The following ALS2CL variants were observed in gnomAD, a reference collection of about 807,000 sequenced individuals.
ALS2CL encodes ALS2 C-terminal like, also known as ALS2 C-terminal-like protein.
A neutral mutation model predicts 127.9 loss-of-function variants in ALS2CL; 112 were observed. The observed-to-expected ratio is 0.88, with a 90% CI of 0.75 to 1.02. ALS2CL has a LOEUF of 1.02. Ranked by LOEUF, ALS2CL falls within the 50% of genes least tolerant of loss-of-function variation. The pLI is 0.00. For synonymous variants in ALS2CL, 519 were observed against 527.6 expected (o/e 0.98, Z 0.22); for missense variants, 1,174 against 1,236.7 (o/e 0.95, Z 0.76).
intron 21 of ALS2CL, among the ~76,000 whole-genome samples, chr3:46,673,888 G>A (rs1698601559): frequency 6.6e-6 from 1 of 152,202 alleles, no homozygotes; most frequent in Non-Finnish European, 1.5e-5. Context: ...CCATCCCTGT[G>A]TAACAAAGGA....
rs1699475188 is a variant in ALS2CL, at chr3:46,683,050, CA to C, written c.1109+79del. 8 of 1,385,064 alleles carry C rather than the reference CA, an allele frequency of 5.8e-6. No homozygotes were observed. In the South Asian group the frequency reaches 1.2e-4, roughly 20 times the overall value. The allele number at this position is 1,385,064 out of a possible 1,614,324, so 85.8% of individuals were successfully genotyped here. A position where few individuals can be genotyped will look rare whatever the true frequency, so the allele number is the denominator to read the frequency against. ...ACCGCTCCTGGAACATGTCCTGAGA[CA>C]ATTAGGCTTGTGTGCTGCTCTCTGC... On this transcript the variant is annotated intron_variant, in intron 10 of 25. Coordinates refer to ENST00000318962, the MANE Select transcript of ALS2CL (RefSeq NM_147129.5).
At position 46,687,033 on chromosome 3, in the gene ALS2CL, C is replaced by A. The variant is rs200105275; in HGVS notation, c.484G>T (p.Val162Leu). 3 of 1,605,680 alleles carry A rather than the reference C, an allele frequency of 1.9e-6. No homozygotes were observed. The highest frequency in any genetic ancestry group is 2.7e-5 in the African/African-American group (2 of 74,978). ...QALHQPLAHH[V>L]QQYVLLLLSL... ...AGCAGGAGGAGCACGTACTGTTGCA[C>A]GTGATGGGCGAGTGGCTGGTGGAGG... Residue 162 changes from valine to leucine, a missense_variant, in exon 5 of 26, where the codon GTG becomes TTG. Coordinates refer to ENST00000318962, the MANE Select transcript of ALS2CL (RefSeq NM_147129.5).
At chr3:46,672,325 C>CTCAGGGTGGGGCTG in intron 22 of ALS2CL, 124 bp from the exon 23 acceptor site, 4 of 1,238,794 alleles carry the variant, frequency 3.2e-6, no homozygotes, top group Non-Finnish European at 4.5e-6. Context: ...TAGTGCAGCC[C>CTCAGGGTGGGGCTG]CACCCTGAGG....
chr3:46,671,390 C>T (rs934379376), intron 25 of ALS2CL, 98 bp downstream of exon 25: 5 of 1,534,350 alleles, frequency 3.3e-6, no homozygotes, highest in South Asian at 2.4e-5. Flanking sequence ...TGAATTTGAG[C>T]TCCCTCCCAC....
chr3:46,671,894 ACAC>A lies in ALS2CL; in HGVS notation c.2671_2673del (p.Val891del). 2 of 1,613,668 alleles carry A rather than the reference ACAC, an allele frequency of 1.2e-6. No individual in the cohort carries two copies. The highest frequency in any genetic ancestry group is 1.7e-6 in the Non-Finnish European group (2 of 1,179,966). On this transcript the variant is annotated inframe_deletion, in exon 24 of 26. Coordinates refer to ENST00000318962, the MANE Select transcript of ALS2CL (RefSeq NM_147129.5). ...TCCTGACTGCCTCACCGGGCGCGCG[ACAC>A]CACGTAGATGAGAAGTGGCAGCAGG...
intron 19 of ALS2CL, chr3:46,676,015 C>T (rs1406674864): frequency 5.7e-6 from 8 of 1,415,558 alleles, no homozygotes; most frequent in Non-Finnish European, 7.4e-6. Context: ...TCAGAGTCAG[C>T]CCAGCGCCTG....
chr3:46,672,572 G>T (rs988241768), intron 22 of ALS2CL, among the ~76,000 whole-genome samples: 1 of 152,140 alleles, frequency 6.6e-6, no homozygotes, highest in African/African-American at 2.4e-5. Context: ...TTTCTGACTC[G>T]GTAGGTCTGA....
In ALS2CL at chr3:46,677,239, A is replaced by T. The variant is rs1056874796; in HGVS notation, c.1758-217T>A. 34 of 1,397,120 alleles carry T rather than the reference A, an allele frequency of 2.4e-5. No homozygotes were observed. In the African/African-American group the frequency reaches 4.9e-4, roughly 20 times the overall value. 86.5% of individuals were successfully genotyped at this position (1,397,120 alleles called of 1,614,324 possible). A position where few individuals can be genotyped will look rare whatever the true frequency, so the allele number is the denominator to read the frequency against. On this transcript the variant is annotated intron_variant, in intron 16 of 25. Transcript: ENST00000318962. ...GGGACAGAGAATCTACCCTGCGACG[A>T]GAAGACAGACAGAAGCATATGGAAT... is the stretch of plus-strand genomic sequence containing the variant.
intron 21 of ALS2CL, among the ~76,000 whole-genome samples, chr3:46,674,262 G>C (rs776609288): frequency 5.9e-5 from 9 of 152,244 alleles, no homozygotes; most frequent in African/African-American, 2.2e-4. Flanking sequence ...TGAGGGAGCT[G>C]TTGGAAGGCA....
chr3:46,687,147 C>T lies in ALS2CL; in HGVS notation c.370G>A (p.Glu124Lys), dbSNP rs757242253. The T allele has an allele frequency of 8.9e-6, 14 of 1,568,878 alleles. No individual in the cohort carries two copies. Among genetic ancestry groups the T allele is most frequent in the South Asian group, 2.3e-5 (2 of 86,504 alleles). Residue 124 changes from glutamate (E) to lysine (K), a missense_variant and splice_region_variant, in exon 5 of 26, where the codon GAG becomes AAG. Glu to Lys is a moderately conservative substitution (Grantham distance 56, BLOSUM62 1). Transcript: ENST00000318962. ...GCCTTCCGCTGGCCCCGCCAGTACT[C>T]GCTGCGTGTAGAGAGGGCCACGCAC... ...AFQKAAKRRS[E>K]YWRGQRKALR...
chr3:46,671,520 C>A lies in ALS2CL; in HGVS notation c.2749G>T (p.Gly917Cys). 6.2e-7 allele frequency: 1 copy of A among 1,614,064 alleles called. No homozygotes were observed. Among genetic ancestry groups the A allele is most frequent in the Non-Finnish European group, 8.5e-7 (1 of 1,179,990 alleles). ...RDMMDPNHTG[G>C]LYDFLLTALE... ...GCTGTGAGCAGGAAGTCATACAGGCCTCCTGTGTGGTTGGGGTCCATCATG... is the reference window on the plus strand; with the variant it reads ...GCTGTGAGCAGGAAGTCATACAGGCATCCTGTGTGGTTGGGGTCCATCATG... The change falls in exon 25 of 26, where the codon GGC becomes TGC. Residue 917 changes from glycine (G) to cysteine (C), a missense_variant. Coordinates refer to ENST00000318962, the MANE Select transcript of ALS2CL (RefSeq NM_147129.5).
In ALS2CL at chr3:46,677,214, G is replaced by C. The variant is rs754205585; in HGVS notation, c.1758-192C>G. On this transcript the variant is annotated intron_variant, in intron 16 of 25. Transcript: ENST00000318962. ...TCCAGGAGGAAGAGCAGCAGAGAAA[G>C]GGACAGAGAATCTACCCTGCGACGA... The C allele has an allele frequency of 1.1e-4, 155 of 1,419,476 alleles. 1 individual carries two copies. Among genetic ancestry groups the C allele is most frequent in the Non-Finnish European group, 1.3e-4 (147 of 1,092,348 alleles). The allele number at this position is 1,419,476 out of a possible 1,614,324, so 87.9% of individuals were successfully genotyped here.
Position 46,687,000 on chromosome 3 carries a change from C to A in ALS2CL, c.517G>T (p.Gly173Trp). The A allele has an allele frequency of 6.2e-7, 1 of 1,600,434 alleles. No homozygotes were observed. ...GTACCCACCTCCCCAATGGTGTCCC[C>A]GAGGCTCAGCAGGAGGAGCACGTAC... Reference protein sequence around the residue: ...QQYVLLLLSLGDTIGEHHPTR... With the variant: ...QQYVLLLLSLWDTIGEHHPTR... Residue 173 changes from glycine to tryptophan, a missense_variant, in exon 5 of 26, where the codon GGG becomes TGG. By Grantham distance (184) the Gly-to-Trp change is radical. Coordinates refer to ENST00000318962, the MANE Select transcript of ALS2CL (RefSeq NM_147129.5). The surrounding 1 kb of genome is among the most constrained non-coding windows in gnomAD (Gnocchi z 4.3).
intron 9 of ALS2CL, 133 bp downstream of exon 9, chr3:46,683,649 T>G (rs376832802): frequency 8.6e-7 from 1 of 1,156,118 alleles, no homozygotes; most frequent in Non-Finnish European, 1.3e-6. Context: ...CGATTTACTC[T>G]GACCAGGTCC....
chr3:46,687,034 G>A lies in ALS2CL; in HGVS notation c.483C>T (p.His161=), dbSNP rs752360050. 17 of 1,605,488 alleles carry A rather than the reference G, an allele frequency of 1.1e-5. 1 individual carries two copies. Among genetic ancestry groups the A allele is most frequent in the South Asian group, 7.7e-5 (7 of 90,488 alleles). The change falls in exon 5 of 26, where the codon CAC becomes CAT. Residue 161 remains histidine (H), a synonymous_variant. Coordinates refer to ENST00000318962, the MANE Select transcript of ALS2CL (RefSeq NM_147129.5). ...GCAGGAGGAGCACGTACTGTTGCACGTGATGGGCGAGTGGCTGGTGGAGGG... is the reference window on the plus strand; with the variant it reads ...GCAGGAGGAGCACGTACTGTTGCACATGATGGGCGAGTGGCTGGTGGAGGG... ...GQALHQPLAH[H]VQQYVLLLLS... is the part of the protein sequence containing the mutation.
At position 46,669,430 on chromosome 3, in the gene ALS2CL, T is replaced by C. The variant is rs891171367; in HGVS notation, c.*1554A>G. 1.3e-5 allele frequency: 2 copies of C among 152,268 alleles called. No individual in the cohort carries two copies. Among genetic ancestry groups the C allele is most frequent in the African/African-American group, 2.4e-5 (1 of 41,442 alleles). The allele number at this position is 152,268 out of a possible 1,614,324, so 9.4% of individuals were successfully genotyped here. ...GCAGATCTCAAAGGAGGCAGGGAAG[T>C]GTGCTGGGGTCCCGTCAGCATCGCA... On this transcript the variant is annotated 3_prime_UTR_variant, in exon 26 of 26. Coordinates refer to ENST00000318962, the MANE Select transcript of ALS2CL (RefSeq NM_147129.5).
At chr3:46,687,948 G>A (rs773894043) in intron 3 of ALS2CL, 150 bp downstream of exon 3, 25 of 1,034,194 alleles carry the variant, frequency 2.4e-5, no homozygotes, top group Non-Finnish European at 2.9e-5. Flanking sequence ...GCCCAGGTGA[G>A]GCTGAACCCA....
In ALS2CL at chr3:46,669,959, A is replaced by G. The variant is rs1182687077; in HGVS notation, c.*1025T>C. The G allele has an allele frequency of 1.3e-5, 2 of 152,302 alleles. No homozygotes were observed. The highest frequency in any genetic ancestry group is 2.9e-5 in the Non-Finnish European group (2 of 68,132). 9.4% of individuals were successfully genotyped at this position (152,302 alleles called of 1,614,324 possible). A position where few individuals can be genotyped will look rare whatever the true frequency, so the allele number is the denominator to read the frequency against. On this transcript the variant is annotated 3_prime_UTR_variant, in exon 26 of 26. Coordinates refer to ENST00000318962, the MANE Select transcript of ALS2CL (RefSeq NM_147129.5). Reference sequence around the variant, plus strand: ...TGCTCAGGGCCTAGGGAATGGGACCAAGAGTGATCCAGCTTCTTCTCCAGA... The same window carrying G: ...TGCTCAGGGCCTAGGGAATGGGACCGAGAGTGATCCAGCTTCTTCTCCAGA...
chr3:46,680,486 T>C lies in ALS2CL; in HGVS notation c.1492A>G (p.Met498Val), dbSNP rs1399854211. 7 of 1,613,340 alleles carry C rather than the reference T, an allele frequency of 4.3e-6. No individual in the cohort carries two copies. In the South Asian group the frequency reaches 4.4e-5, roughly 10 times the overall value. The change falls in exon 14 of 26, where the codon ATG becomes GTG. Residue 498 changes from methionine to valine, a missense_variant. Physicochemically the swap from Met to Val is conservative, Grantham distance 21. Transcript: ENST00000318962. ...QAGQRHGPGV[M>V]VTQAGVCYQG... ...TAGCAGACACCTGCCTGGGTGACCA[T>C]GACCCCTGGGCCGTGGCGCTGACCA...
Sources: gnomAD v4.1 joint callset for allele counts (sites outside exome capture counted in the v4.1 genomes callset) on GRCh38, gnomAD v4.1.1 for gene constraint, Gnocchi (gnomAD v3.1) non-coding constraint, MANE v1.5 for transcripts, NCBI Gene and HGNC (gene_info 2026-07-23, HGNC 2026-07-21) for gene names.